The following GSE1 variants were observed in gnomAD, a reference collection of about 807,000 sequenced individuals.
GSE1 encodes Gse1 coiled-coil protein.
Under a neutral mutation model 112.6 loss-of-function variants are expected in GSE1, and 32 were observed. The observed-to-expected ratio is 0.28, with a 90% CI of 0.21 to 0.38. The LOEUF (loss-of-function observed/expected upper bound fraction) is 0.38. Ranked by LOEUF, GSE1 falls within the 10% of genes least tolerant of loss-of-function variation. The probability of loss-of-function intolerance (pLI) is 1.00; values close to 1 mark genes in which losing one functional copy is unlikely to be tolerated. For missense variants in GSE1, 2,348 were observed against 1,699.2 expected, an observed-to-expected ratio of 1.38 and a Z score of -6.71; for synonymous variants, 1,115 against 735.6, an observed-to-expected ratio of 1.52 and a Z score of -8.35.
chr16:85,204,424 A>G (rs1014615161), intron 1 of GSE1, among the ~76,000 whole-genome samples: 1 of 152,152 alleles, frequency 6.6e-6, no homozygotes, highest in African/African-American at 2.4e-5. Context: ...TGTGAGTACA[A>G]GTTTTTGTGT....
At chr16:85,274,926 C>T (rs896347651) in intron 1 of GSE1, among the ~76,000 whole-genome samples, 2 of 152,274 alleles carry the variant, frequency 1.3e-5, no homozygotes, top group African/African-American at 4.8e-5. Context: ...TCCGGCCCCT[C>T]CTGCTGTTCT....
intron 2 of GSE1, among the ~76,000 whole-genome samples, chr16:85,400,505 G>A (rs905666864): frequency 1.3e-5 from 2 of 151,660 alleles, no homozygotes; most frequent in African/African-American, 4.8e-5. Flanking sequence ...TGTGTTGTGT[G>A]TGTCTGTGTG....
Position 85,613,434 on chromosome 16 carries a change from C to T in GSE1, c.7+36C>T, listed in dbSNP as rs933282372. The T allele has an allele frequency of 2.8e-5, 42 of 1,517,554 alleles. 1 individual carries two copies. The highest frequency in any genetic ancestry group is 3.4e-4 in the Middle Eastern group (2 of 5,870). 94.0% of individuals were successfully genotyped at this position (1,517,554 alleles called of 1,614,324 possible). ...CGCACCCGGCCGGGGACGGGGTCCT[C>T]CCCCCTCCCCCCACCGCACTGTCCT... On this transcript the variant is annotated intron_variant, in intron 1 of 15. Transcript: ENST00000253458.
chr16:85,480,478 C>A (rs907766659), intron 2 of GSE1, among the ~76,000 whole-genome samples: 3 of 152,218 alleles, frequency 2.0e-5, no homozygotes, highest in African/African-American at 7.2e-5. Flanking sequence ...GTTTCTGAGC[C>A]CTCTTGGGCC....
chr16:85,331,708 T>TAATATATATA (rs1491521509), intron 1 of GSE1, among the ~76,000 whole-genome samples: 1 of 13,104 alleles, frequency 7.6e-5, no homozygotes, highest in African/African-American at 2.3e-4. Flanking sequence ...TATATATATA[T>TAATATATATA]TTTTTTTTTT....
chr16:85,647,966 G>A (rs932395899), intron 2 of GSE1, among the ~76,000 whole-genome samples: 1 of 151,984 alleles, frequency 6.6e-6, no homozygotes, highest in Non-Finnish European at 1.5e-5. Flanking sequence ...CCCGGAGGGG[G>A]CGCCTTTTCC....
intron 1 of GSE1, among the ~76,000 whole-genome samples, chr16:85,338,434 C>T (rs182575131): frequency 3.1e-3 from 479 of 152,302 alleles, no homozygotes; most frequent in Middle Eastern, 0.014. Flanking sequence ...TGACGTGAGG[C>T]AGCTGACTTA....
At chr16:85,513,806 G>A (rs1014240705) in intron 2 of GSE1, among the ~76,000 whole-genome samples, 1 of 151,854 alleles carries the variant, frequency 6.6e-6, no homozygotes, top group Non-Finnish European at 1.5e-5. Flanking sequence ...ACTGCAGACC[G>A]GGGAGGGGGG....
chr16:85,414,966 A>G (rs989826250), intron 2 of GSE1, among the ~76,000 whole-genome samples: 4 of 152,200 alleles, frequency 2.6e-5, no homozygotes, highest in Admixed American at 2.6e-4. Context: ...TACTTTTGAT[A>G]CAGGGTCTCA....
At chr16:85,380,025 G>T (rs746130629) in intron 2 of GSE1, among the ~76,000 whole-genome samples, 1 of 152,248 alleles carries the variant, frequency 6.6e-6, no homozygotes, top group Non-Finnish European at 1.5e-5. Context: ...AGAACAGCAG[G>T]TGTTTGGCCT....
intron 1 of GSE1, among the ~76,000 whole-genome samples, chr16:85,235,325 A>T (rs115663554): frequency 3.3e-5 from 5 of 150,504 alleles, no homozygotes; most frequent in Non-Finnish European, 7.4e-5. Flanking sequence ...TCCCCAGGCG[A>T]AGAGGGGTTG....
chr16:85,675,451 G>A lies in GSE1; in HGVS notation c.*2912G>A, dbSNP rs533294704. 6.6e-6 allele frequency: 1 copy of A among 152,328 alleles called. No homozygotes were observed. The highest frequency in any genetic ancestry group is 6.5e-5 in the Admixed American group (1 of 15,298). The allele number at this position is 152,328 out of a possible 1,614,324, so 9.4% of individuals were successfully genotyped here. On this transcript the variant is annotated 3_prime_UTR_variant, in exon 16 of 16. Transcript: ENST00000253458. The stretch of plus-strand genomic sequence containing the variant: ...TGTCTCAGATAAGTGACCAAGACGG[G>A]ACTTTCCACATTTTAGTCTACATTC...
intron 1 of GSE1, among the ~76,000 whole-genome samples, chr16:85,254,166 T>C (rs966184625): frequency 1.3e-5 from 2 of 152,194 alleles, no homozygotes; most frequent in Non-Finnish European, 2.9e-5. Flanking sequence ...GGGGCATGGT[T>C]TCTACCCTGG....
chr16:85,326,006 C>G (rs2046220057), intron 1 of GSE1, among the ~76,000 whole-genome samples: 1 of 152,218 alleles, frequency 6.6e-6, no homozygotes, highest in Admixed American at 6.5e-5. Flanking sequence ...CTCAGCCTCC[C>G]AAAGTGCTGG....
chr16:85,303,686 G>C (rs1372840121), intron 1 of GSE1, among the ~76,000 whole-genome samples: 3 of 152,274 alleles, frequency 2.0e-5, no homozygotes, highest in Non-Finnish European at 4.4e-5. Flanking sequence ...GGCGGTGCGG[G>C]CAGGAGCCGG....
chr16:85,510,949 G>A (rs1016636375), intron 2 of GSE1, among the ~76,000 whole-genome samples: 3 of 152,098 alleles, frequency 2.0e-5, no homozygotes, highest in Non-Finnish European at 4.4e-5. Context: ...TCAAAAACTG[G>A]GTCAAAAAGC....
At chr16:85,249,882 A>G (rs1906273883) in intron 1 of GSE1, among the ~76,000 whole-genome samples, 1 of 152,234 alleles carries the variant, frequency 6.6e-6, no homozygotes. Flanking sequence ...GAGGGCAGCA[A>G]TGTCACAGCT....
chr16:85,618,754 C>T (rs921540636), intron 1 of GSE1, among the ~76,000 whole-genome samples: 5 of 152,180 alleles, frequency 3.3e-5, no homozygotes, highest in African/African-American at 1.2e-4. Context: ...AACTCCTGCG[C>T]TCAAGTGATC....
At chr16:85,298,098 A>G (rs1479987515) in intron 1 of GSE1, among the ~76,000 whole-genome samples, 2 of 152,230 alleles carry the variant, frequency 1.3e-5, no homozygotes, top group Non-Finnish European at 2.9e-5. Flanking sequence ...GAGCTTCTCA[A>G]ACTGCAACGT....
Sources: gnomAD v4.1 joint callset for allele counts (sites outside exome capture counted in the v4.1 genomes callset) on GRCh38, gnomAD v4.1.1 for gene constraint, MANE v1.5 for transcripts, NCBI Gene and HGNC (gene_info 2026-07-23, HGNC 2026-07-21) for gene names.